ITGA9: variants seen among roughly 807,000 people sequenced by gnomAD.
ITGA9 encodes integrin alpha-9.
A neutral mutation model predicts 127.8 loss-of-function variants in ITGA9; 56 were observed. That is an observed-to-expected ratio of 0.44 (90% CI 0.35 to 0.55). The LOEUF is 0.55. ITGA9 is among the 20% of genes least tolerant of loss of function. The pLI is 0.00. For missense variants in ITGA9, 1,196 were observed against 1,347.1 expected (o/e 0.89, Z 1.76); for synonymous variants, 508 against 514.5 (o/e 0.99, Z 0.17).
At chr3:37,728,538 C>G (rs1696245372) in intron 18 of ITGA9, among the ~76,000 whole-genome samples, 1 of 152,174 alleles carries the variant, frequency 6.6e-6, no homozygotes, top group African/African-American at 2.4e-5. Context: ...GATCTGAAAC[C>G]AGGAGAACAA....
chr3:37,669,242 G>C (rs1409263748), intron 17 of ITGA9, among the ~76,000 whole-genome samples: 1 of 152,204 alleles, frequency 6.6e-6, no homozygotes, highest in African/African-American at 2.4e-5. Flanking sequence ...ACAGTGGCCC[G>C]TCCTTTGGTC....
chr3:37,790,398 G>C (rs1037568650), intron 26 of ITGA9: 1 of 472,456 alleles, frequency 2.1e-6, no homozygotes, highest in Non-Finnish European at 4.3e-6. Context: ...ATTCTGCTCG[G>C]TTCTCTCGGT....
chr3:37,737,066 G>T, intron 20 of ITGA9, 83 bp downstream of exon 20: 1 of 909,992 alleles, frequency 1.1e-6, no homozygotes, highest in Non-Finnish European at 1.8e-6. Flanking sequence ...AAGCTTTGAT[G>T]AATCCCAGGA....
At chr3:37,632,194 A>T (rs1251750552) in intron 16 of ITGA9, among the ~76,000 whole-genome samples, 5 of 152,340 alleles carry the variant, frequency 3.3e-5, no homozygotes, top group Admixed American at 6.5e-5. Context: ...ATTTTAAAAA[A>T]TTTTAAAAAT....
chr3:37,541,086 C>T lies in ITGA9; in HGVS notation c.1529-1339C>T, dbSNP rs1443701918. Among the ~76,000 whole-genome samples the T allele has an allele frequency of 3.9e-5, 6 of 152,240 alleles. No homozygotes were observed. The East Asian group carries it at 1.2e-3, about 29-fold the overall frequency. ...CAGGTCACCTTCCTCTCTGCCTGTT[C>T]ATACCTCCCCTGGTGGCTGATCCCA... is the stretch of plus-strand genomic sequence containing the variant. On this transcript the variant is annotated intron_variant, in intron 14 of 27. Transcript: ENST00000264741.
At chr3:37,670,529 G>T (rs1412053590) in intron 17 of ITGA9, among the ~76,000 whole-genome samples, 2 of 152,194 alleles carry the variant, frequency 1.3e-5, no homozygotes, top group Non-Finnish European at 2.9e-5. Context: ...AATTATGAAT[G>T]TAGGAAACAG....
intron 12 of ITGA9, 66 bp downstream of exon 12, chr3:37,523,677 T>C: frequency 1.7e-6 from 2 of 1,152,626 alleles, no homozygotes; most frequent in South Asian, 2.4e-5. Context: ...AGAATAATTT[T>C]CAGTCTGGTT....
intron 18 of ITGA9, among the ~76,000 whole-genome samples, chr3:37,692,225 T>C (rs1447949124): frequency 1.3e-5 from 2 of 152,210 alleles, no homozygotes; most frequent in Admixed American, 1.3e-4. Context: ...TTATACTTTA[T>C]AGCTCATTCA....
At chr3:37,586,749 C>T (rs550721985) in intron 15 of ITGA9, among the ~76,000 whole-genome samples, 117 of 152,186 alleles carry the variant, frequency 7.7e-4, no homozygotes, top group Admixed American at 3.3e-3. Flanking sequence ...TTTTAACTTA[C>T]GGGTCACCTG....
At chr3:37,576,686 A>C (rs1699657005) in intron 15 of ITGA9, among the ~76,000 whole-genome samples, 1 of 152,202 alleles carries the variant, frequency 6.6e-6, no homozygotes, top group South Asian at 2.1e-4. Flanking sequence ...GGCTCACTGC[A>C]ACCTCCGCCT....
rs184076948 is a variant in ITGA9, at chr3:37,765,755, A to G, written c.2542-11637A>G. Among the ~76,000 whole-genome samples the G allele has an allele frequency of 2.8e-3, 430 of 152,286 alleles. 3 individuals are homozygous for G. Among genetic ancestry groups the G allele is most frequent in the Non-Finnish European group, 4.6e-3 (313 of 68,028 alleles). On this transcript the variant is annotated intron_variant, in intron 23 of 27. Transcript: ENST00000264741. ...AAGCTTCAGTCCCGGCTGTCCGTAC[A>G]GAGTGTGGTTCAGAGGCTGCCCTTT...
At chr3:37,708,020 A>G (rs761479285) in intron 18 of ITGA9, among the ~76,000 whole-genome samples, 9 of 152,200 alleles carry the variant, frequency 5.9e-5, no homozygotes, top group African/African-American at 9.7e-5. Flanking sequence ...ATTCATTAGC[A>G]TAACAAACCA....
intron 17 of ITGA9, among the ~76,000 whole-genome samples, chr3:37,678,493 A>G (rs900830655): frequency 6.6e-6 from 1 of 152,242 alleles, no homozygotes; most frequent in African/African-American, 2.4e-5. Context: ...TATCCTAGTC[A>G]TCATTGTTAA....
intron 5 of ITGA9, among the ~76,000 whole-genome samples, chr3:37,499,941 G>C (rs1420959031): frequency 1.3e-5 from 2 of 152,156 alleles, no homozygotes; most frequent in African/African-American, 2.4e-5. Context: ...TCCCATCCCT[G>C]CCCCCAATGT....
At chr3:37,480,360 G>A (rs975493193) in intron 3 of ITGA9, among the ~76,000 whole-genome samples, 2 of 152,192 alleles carry the variant, frequency 1.3e-5, no homozygotes, top group African/African-American at 4.8e-5. Flanking sequence ...AGGCTCCTCT[G>A]GAGAGCTGGC....
chr3:37,693,492 A>G (rs899686142), intron 18 of ITGA9, among the ~76,000 whole-genome samples: 1 of 152,122 alleles, frequency 6.6e-6, no homozygotes, highest in African/African-American at 2.4e-5. Context: ...ATCTACCTTT[A>G]CCACAGAAAG....
intron 18 of ITGA9, among the ~76,000 whole-genome samples, chr3:37,729,704 T>C (rs888502816): frequency 4.9e-5 from 7 of 142,800 alleles, no homozygotes; most frequent in African/African-American, 1.0e-4. Flanking sequence ...TGATTTCTTT[T>C]TTTTTTTTTT....
chr3:37,714,966 C>T (rs114906726), intron 18 of ITGA9, among the ~76,000 whole-genome samples: 4 of 152,206 alleles, frequency 2.6e-5, no homozygotes, highest in Admixed American at 2.0e-4. Flanking sequence ...TTCCCTCACC[C>T]TCTCTGGGTC....
intron 23 of ITGA9, among the ~76,000 whole-genome samples, chr3:37,758,307 G>A (rs1422227520): frequency 8.7e-6 from 1 of 114,930 alleles, no homozygotes; most frequent in African/African-American, 3.5e-5. Flanking sequence ...TCCGGCCTGG[G>A]CGACAGAGCG....
Sources: allele counts gnomAD v4.1 joint callset (sites outside exome capture counted in the v4.1 genomes callset), GRCh38; gene constraint gnomAD v4.1.1; transcripts MANE v1.5; gene names NCBI Gene and HGNC (gene_info 2026-07-23, HGNC 2026-07-21).